GPHN: variants seen among roughly 807,000 people sequenced by gnomAD.
GPHN encodes gephyrin.
A neutral mutation model predicts 95.5 loss-of-function variants in GPHN; 17 were observed. That is an observed-to-expected ratio of 0.18 (90% CI 0.12 to 0.27). GPHN has a LOEUF of 0.27. Among genes scored for constraint, GPHN ranks in the 10% least tolerant of loss-of-function variants. The pLI is 1.00. For missense variants in GPHN, 660 were observed against 978.1 expected, an observed-to-expected ratio of 0.67 and a Z score of 4.34; for synonymous variants, 320 against 322.5, an observed-to-expected ratio of 0.99 and a Z score of 0.08.
chr14:66,587,801 T>A (rs1192774307), intron 1 of GPHN, among the ~76,000 whole-genome samples: 1 of 152,194 alleles, frequency 6.6e-6, no homozygotes, highest in Non-Finnish European at 1.5e-5. Context: ...TGGGCGGCTC[T>A]GGGTGCAGCT....
At chr14:67,194,755 T>A in the GPHN span, among the ~76,000 whole-genome samples, 1 of 152,138 alleles carries the variant, frequency 6.6e-6, no homozygotes, top group African/African-American at 2.4e-5. Context: ...CCTCCCATGT[T>A]CAAGTGATTC....
intron 9 of GPHN, among the ~76,000 whole-genome samples, chr14:66,972,267 CA>C (rs892888405): frequency 0.024 from 1,096 of 46,238 alleles, 7 homozygotes; most frequent in African/African-American, 0.072. Context: ...GAGTCTGTCT[CA>C]AAAAAAAAAA....
chr14:67,252,445 G>A, the GPHN span, among the ~76,000 whole-genome samples: 2 of 152,138 alleles, frequency 1.3e-5, no homozygotes, highest in Admixed American at 1.3e-4. Context: ...GTGAGCCACC[G>A]TGCTCAGCAT....
intron 3 of GPHN, among the ~76,000 whole-genome samples, chr14:66,818,422 G>A (rs974110549): frequency 1.3e-5 from 2 of 152,142 alleles, no homozygotes; most frequent in African/African-American, 4.8e-5. Context: ...TCCCTGCAAA[G>A]AACATGATCT....
intron 21 of GPHN, among the ~76,000 whole-genome samples, chr14:67,177,720 T>G (rs1411478584): frequency 6.6e-6 from 1 of 152,204 alleles, no homozygotes; most frequent in East Asian, 1.9e-4. Flanking sequence ...TCTAAGTCTC[T>G]TTGTAGGTCT....
intron 2 of GPHN, among the ~76,000 whole-genome samples, chr14:66,729,261 A>G (rs2071539488): frequency 6.6e-6 from 1 of 152,176 alleles, no homozygotes. Flanking sequence ...ACTAATACAT[A>G]TCCCCAGGAT....
chr14:67,234,394 G>A, the GPHN span, among the ~76,000 whole-genome samples: 1 of 152,198 alleles, frequency 6.6e-6, no homozygotes, highest in Admixed American at 6.5e-5. Flanking sequence ...GAAGAAAATG[G>A]AGAAAATTAT....
At chr14:67,224,647 C>T in the GPHN span, 2 of 303,814 alleles carry the variant, frequency 6.6e-6, no homozygotes, top group Non-Finnish European at 6.5e-6. Flanking sequence ...ACAGTGAGCC[C>T]AAATTATGGG....
chr14:67,177,954 T>C (rs1339917297), intron 21 of GPHN, among the ~76,000 whole-genome samples: 2 of 152,186 alleles, frequency 1.3e-5, no homozygotes, highest in African/African-American at 4.8e-5. Context: ...TGAGCCTATT[T>C]GTGTCTTTGC....
chr14:67,274,188 GT>G, the GPHN span, among the ~76,000 whole-genome samples: 1 of 152,102 alleles, frequency 6.6e-6, no homozygotes, highest in African/African-American at 2.4e-5. Context: ...TAGTCATGAA[GT>G]CCTTGCCCAT....
At chr14:66,758,852 C>T (rs1357959138) in intron 2 of GPHN, among the ~76,000 whole-genome samples, 1 of 152,012 alleles carries the variant, frequency 6.6e-6, no homozygotes, top group Non-Finnish European at 1.5e-5. Context: ...TGAGCTGCAG[C>T]CAGAGACCAC....
At chr14:67,645,014 AAT>A in the GPHN span, among the ~76,000 whole-genome samples, 29 of 150,826 alleles carry the variant, frequency 1.9e-4, no homozygotes, top group Middle Eastern at 3.4e-3. Flanking sequence ...AAAAAAAAAA[AAT>A]TGAATGCCAT....
At chr14:67,353,290 T>C in the GPHN span, among the ~76,000 whole-genome samples, 1 of 152,234 alleles carries the variant, frequency 6.6e-6, no homozygotes, top group African/African-American at 2.4e-5. Flanking sequence ...CTGGGTCATC[T>C]GGGATCTGCC....
At chr14:66,603,077 G>GA (rs1218889133) in intron 1 of GPHN, among the ~76,000 whole-genome samples, 1 of 151,800 alleles carries the variant, frequency 6.6e-6, no homozygotes, top group Non-Finnish European at 1.5e-5. Context: ...AAAAACAATT[G>GA]AAAAAATTGT....
At chr14:66,758,063 A>T (rs1489461368) in intron 2 of GPHN, among the ~76,000 whole-genome samples, 3 of 152,196 alleles carry the variant, frequency 2.0e-5, no homozygotes, top group Non-Finnish European at 4.4e-5. Flanking sequence ...GTTTGTGATT[A>T]TGCAAAAAAG....
At chr14:66,647,190 G>A (rs1350116097) in intron 1 of GPHN, among the ~76,000 whole-genome samples, 2 of 151,066 alleles carry the variant, frequency 1.3e-5, no homozygotes, top group South Asian at 2.1e-4. Flanking sequence ...ACAGGCATAA[G>A]CCACCACACC....
chr14:66,590,447 A>T (rs1056705691), intron 1 of GPHN, among the ~76,000 whole-genome samples: 2 of 152,168 alleles, frequency 1.3e-5, no homozygotes, highest in African/African-American at 2.4e-5. Flanking sequence ...AATTAAACAG[A>T]CATTATAAAA....
the GPHN span, among the ~76,000 whole-genome samples, chr14:67,598,344 G>A: frequency 6.6e-6 from 1 of 152,154 alleles, no homozygotes; most frequent in Non-Finnish European, 1.5e-5. Context: ...TGGCATAAAA[G>A]CAGGCTTTTG....
At chr14:67,341,766 A>T in the GPHN span, among the ~76,000 whole-genome samples, 1 of 152,246 alleles carries the variant, frequency 6.6e-6, no homozygotes, top group African/African-American at 2.4e-5. Flanking sequence ...GGGAAAAGAT[A>T]GAGAAATCGG....
Sources: gnomAD v4.1 joint callset for allele counts (sites outside exome capture counted in the v4.1 genomes callset) on GRCh38, gnomAD v4.1.1 for gene constraint, MANE v1.5 for transcripts, NCBI Gene and HGNC (gene_info 2026-07-23, HGNC 2026-07-21) for gene names.